The following LYRM4 variants were observed in gnomAD, a reference collection of about 807,000 sequenced individuals.
LYRM4 encodes LYR motif containing 4, also known as LYR motif-containing protein 4.
In LYRM4, 9 loss-of-function variants were observed where a neutral mutation model predicts 11.7. That is an observed-to-expected ratio of 0.77 (90% CI 0.46 to 1.34). The LOEUF (loss-of-function observed/expected upper bound fraction) is 1.34, where lower values mean the gene tolerates loss of function less well. LYRM4 is among the 40% of genes most tolerant of loss of function. LYRM4 has a pLI of 0.00. For synonymous variants in LYRM4, 42 were observed against 40.4 expected, an observed-to-expected ratio of 1.04 and a Z score of -0.15; for missense variants, 133 against 112.5, an observed-to-expected ratio of 1.18 and a Z score of -0.82.
chr6:5,220,899 T>A (rs78620371), intron 1 of LYRM4, among the ~76,000 whole-genome samples: 1 of 152,194 alleles, frequency 6.6e-6, no homozygotes, highest in Non-Finnish European at 1.5e-5. Context: ...GGCCCTATTA[T>A]AGCTCTCTGT....
At chr6:5,061,895 C>G in the LYRM4 span, among the ~76,000 whole-genome samples, 1 of 152,116 alleles carries the variant, frequency 6.6e-6, no homozygotes, top group East Asian at 1.9e-4. Flanking sequence ...TTGTAATTCT[C>G]TAGCAATGGA....
chr6:5,225,042 A>G (rs1330754484), intron 1 of LYRM4, among the ~76,000 whole-genome samples: 1 of 152,090 alleles, frequency 6.6e-6, no homozygotes, highest in African/African-American at 2.4e-5. Flanking sequence ...TGAGGTCGGG[A>G]GTTTGAGACC....
chr6:5,242,929 G>A (rs12211827), intron 1 of LYRM4, among the ~76,000 whole-genome samples: 59,299 of 148,992 alleles, frequency 0.4, 12,977 homozygotes, highest in East Asian at 0.57. Flanking sequence ...GCCCGCCACC[G>A]CGCCCGGCTA....
intron 2 of LYRM4, among the ~76,000 whole-genome samples, chr6:5,145,768 C>T (rs998740150): frequency 6.6e-6 from 1 of 152,196 alleles, no homozygotes; most frequent in Non-Finnish European, 1.5e-5. Flanking sequence ...GTCTTATTTA[C>T]ACCCACGGCT....
chr6:5,044,902 T>G, the LYRM4 span, among the ~76,000 whole-genome samples: 1 of 152,342 alleles, frequency 6.6e-6, no homozygotes, highest in South Asian at 2.1e-4. Flanking sequence ...TGCTTTCTCC[T>G]GGGCACGCAG....
downstream of LYRM4, chr6:5,104,006 T>G (rs1054067918): frequency 6.6e-6 from 1 of 150,978 alleles, no homozygotes; most frequent in Non-Finnish European, 1.5e-5. Flanking sequence ...AAAAAAAAGC[T>G]AATTTTCTAC....
At chr6:5,203,992 G>C (rs547506595) in intron 2 of LYRM4, among the ~76,000 whole-genome samples, 4 of 152,212 alleles carry the variant, frequency 2.6e-5, no homozygotes, top group Admixed American at 2.6e-4. Flanking sequence ...TGGGCCCAGC[G>C]CTGTGCTGTG....
At chr6:5,197,363 G>A (rs1761118068) in intron 2 of LYRM4, among the ~76,000 whole-genome samples, 1 of 152,170 alleles carries the variant, frequency 6.6e-6, no homozygotes, top group African/African-American at 2.4e-5. Context: ...AAGAAAAAGG[G>A]TAATATCTTA....
chr6:5,219,359 G>T (rs1274475611), intron 1 of LYRM4, among the ~76,000 whole-genome samples: 1 of 150,688 alleles, frequency 6.6e-6, no homozygotes, highest in Admixed American at 6.6e-5. Flanking sequence ...AGCAGCTCTA[G>T]ATCTTGGAAT....
At chr6:5,143,484 T>C (rs1036807394) in intron 2 of LYRM4, among the ~76,000 whole-genome samples, 2 of 152,194 alleles carry the variant, frequency 1.3e-5, no homozygotes, top group African/African-American at 4.8e-5. Context: ...CAGGACCTAT[T>C]ATAAAGACAA....
In LYRM4 at chr6:5,137,308, A is replaced by G. The variant is rs372967461; in HGVS notation, c.208-27817T>C. 1.2e-4 allele frequency among the ~76,000 whole-genome samples: 18 copies of G among 152,300 alleles called. No homozygotes were observed. In the South Asian group the frequency reaches 3.5e-3, roughly 30 times the overall value. ...ATAAGGTTTCAATAAATATTTGCATATAAGTCTTTGTGTGGACACGTTTTC... is the reference window on the plus strand; with the variant it reads ...ATAAGGTTTCAATAAATATTTGCATGTAAGTCTTTGTGTGGACACGTTTTC... On this transcript the variant is annotated intron_variant, in intron 2 of 2. Transcript: ENST00000330636.
chr6:5,094,913 G>GTTTAATATT, the LYRM4 span, among the ~76,000 whole-genome samples: 7 of 151,958 alleles, frequency 4.6e-5, no homozygotes, highest in Non-Finnish European at 8.8e-5. Flanking sequence ...TGTTTAATAT[G>GTTTAATATT]TGGTAGTACT....
At chr6:5,192,942 C>T (rs1000485385) in intron 2 of LYRM4, among the ~76,000 whole-genome samples, 1 of 152,178 alleles carries the variant, frequency 6.6e-6, no homozygotes, top group Non-Finnish European at 1.5e-5. Context: ...AGGAGAATGG[C>T]TTGAACCCAG....
chr6:5,060,322 G>A, the LYRM4 span, among the ~76,000 whole-genome samples: 4 of 152,122 alleles, frequency 2.6e-5, no homozygotes, highest in African/African-American at 4.8e-5. Context: ...GGATTTGTTT[G>A]TTATAATTTT....
chr6:5,136,473 C>A (rs458395), intron 2 of LYRM4: 575,917 of 961,486 alleles, frequency 0.6, 174,168 homozygotes, highest in East Asian at 0.86. Flanking sequence ...TCACTGGCTC[C>A]GAAACCTTGG....
chr6:5,185,608 T>C (rs1440370384), intron 2 of LYRM4, among the ~76,000 whole-genome samples: 1 of 151,976 alleles, frequency 6.6e-6, no homozygotes, highest in African/African-American at 2.4e-5. Flanking sequence ...AACCCCACAG[T>C]CCAGGAGGAG....
At chr6:5,219,908 C>A (rs144640410) in intron 1 of LYRM4, among the ~76,000 whole-genome samples, 1 of 152,118 alleles carries the variant, frequency 6.6e-6, no homozygotes, top group Non-Finnish European at 1.5e-5. Flanking sequence ...GAAAAACTAA[C>A]GCAGAAAGGG....
At chr6:5,241,114 A>G (rs1763853148) in intron 1 of LYRM4, among the ~76,000 whole-genome samples, 1 of 152,196 alleles carries the variant, frequency 6.6e-6, no homozygotes, top group African/African-American at 2.4e-5. Flanking sequence ...TGCTTAATAG[A>G]GTTTTTATGA....
intron 2 of LYRM4, among the ~76,000 whole-genome samples, chr6:5,180,005 C>A (rs1195885173): frequency 6.6e-6 from 1 of 152,192 alleles, no homozygotes; most frequent in African/African-American, 2.4e-5. Flanking sequence ...ATTTCCTTTA[C>A]TTCTGGTCAC....
Sources: allele counts gnomAD v4.1 joint callset (sites outside exome capture counted in the v4.1 genomes callset), GRCh38; gene constraint gnomAD v4.1.1; transcripts MANE v1.5; gene names NCBI Gene and HGNC (gene_info 2026-07-23, HGNC 2026-07-21).